The following TLK1 variants were observed in gnomAD, a reference collection of about 807,000 sequenced individuals.
TLK1 encodes tousled like kinase 1.
A neutral mutation model predicts 105.3 loss-of-function variants in TLK1; 24 were observed. The ratio of observed to expected loss-of-function variants is 0.23; its 90% CI spans 0.17 to 0.32. The LOEUF (loss-of-function observed/expected upper bound fraction) is 0.32. Among genes scored for constraint, TLK1 ranks in the 10% least tolerant of loss-of-function variants. The pLI, the probability that TLK1 is intolerant of heterozygous loss-of-function variation, is 1.00. For missense variants in TLK1, 558 were observed against 910.5 expected, an observed-to-expected ratio of 0.61 and a Z score of 4.98; for synonymous variants, 321 against 310.4, an observed-to-expected ratio of 1.03 and a Z score of -0.36.
At chr2:171,161,288 A>T (rs1417336623), upstream of TLK1, among the ~76,000 whole-genome samples, 5 of 151,766 alleles carry the variant, frequency 3.3e-5, no homozygotes, top group Non-Finnish European at 7.4e-5. Context: ...ACCCACACCC[A>T]ACACGGGGAG....
chr2:171,074,348 G>C (rs962497267), intron 3 of TLK1, among the ~76,000 whole-genome samples: 1 of 152,166 alleles, frequency 6.6e-6, no homozygotes, highest in South Asian at 2.1e-4. Flanking sequence ...GGCTGGAGGT[G>C]GAGGTGTAGT....
intron 1 of TLK1, among the ~76,000 whole-genome samples, chr2:171,158,595 CGAAT>C (rs370984092): frequency 6.3e-4 from 95 of 151,896 alleles, no homozygotes; most frequent in Middle Eastern, 3.4e-3. Flanking sequence ...ATTCGAGAAA[CGAAT>C]GAATGAATGA....
Position 170,991,593 on chromosome 2 carries a change from C to T in TLK1, c.*2187G>A, listed in dbSNP as rs991906003. ...AACTTCATTTCATGGCTTGTTTTTC[C>T]CCTTTTCTGCGTTCTGCCACTAGCA... On this transcript the variant is annotated 3_prime_UTR_variant, in exon 21 of 21. Coordinates refer to ENST00000431350, the MANE Select transcript of TLK1 (RefSeq NM_012290.5). 4 of 152,116 alleles carry T rather than the reference C, an allele frequency of 2.6e-5. No homozygotes were observed. The highest frequency in any genetic ancestry group is 9.7e-5 in the African/African-American group (4 of 41,412). 9.4% of individuals were successfully genotyped at this position (152,116 alleles called of 1,614,324 possible).
intron 3 of TLK1, chr2:171,066,989 T>G (rs1468796670): frequency 7.9e-6 from 12 of 1,518,972 alleles, no homozygotes; most frequent in Non-Finnish European, 1.1e-5. Flanking sequence ...AATTCAGAGC[T>G]GTGGTCTCAC....
chr2:171,030,365 A>G (rs1207377856), intron 11 of TLK1, among the ~76,000 whole-genome samples: 1 of 152,224 alleles, frequency 6.6e-6, no homozygotes, highest in Admixed American at 6.5e-5. Context: ...TTAGGGTGAC[A>G]CAACTACTGG....
intron 1 of TLK1, among the ~76,000 whole-genome samples, chr2:171,213,272 G>A (rs1693654062): frequency 6.6e-6 from 1 of 151,400 alleles, no homozygotes; most frequent in Non-Finnish European, 1.5e-5. Context: ...GACAATCATG[G>A]CTCACTGCAG....
At chr2:171,073,190 T>C (rs1409239877) in intron 3 of TLK1, among the ~76,000 whole-genome samples, 1 of 152,134 alleles carries the variant, frequency 6.6e-6, no homozygotes, top group Admixed American at 6.6e-5. Context: ...CCTTTCCAAT[T>C]TGGATGCCCT....
At chr2:171,212,596 G>C (rs1355584068) in intron 1 of TLK1, among the ~76,000 whole-genome samples, 1 of 152,066 alleles carries the variant, frequency 6.6e-6, no homozygotes, top group Non-Finnish European at 1.5e-5. Flanking sequence ...TTTTAAAACT[G>C]GTTGTGTGAC....
At chr2:171,011,476 C>A in intron 13 of TLK1, 22 bp from the exon 14 acceptor site, 2 of 1,597,318 alleles carry the variant, frequency 1.3e-6, no homozygotes, top group South Asian at 1.1e-5. Context: ...GGGCAAAAAA[C>A]AGACATATTA....
chr2:171,110,559 C>T (rs1690118609), intron 2 of TLK1, among the ~76,000 whole-genome samples: 1 of 152,156 alleles, frequency 6.6e-6, no homozygotes, highest in Non-Finnish European at 1.5e-5. Flanking sequence ...AAACATCCAA[C>T]AACATGGATC....
intron 2 of TLK1, among the ~76,000 whole-genome samples, chr2:171,092,241 A>G (rs1689267918): frequency 6.6e-6 from 1 of 152,224 alleles, no homozygotes; most frequent in Non-Finnish European, 1.5e-5. Flanking sequence ...CCAAAGAAAA[A>G]AAATCCATAT....
At chr2:171,075,568 A>G (rs1037724223) in intron 3 of TLK1, among the ~76,000 whole-genome samples, 5 of 152,226 alleles carry the variant, frequency 3.3e-5, no homozygotes, top group Non-Finnish European at 5.9e-5. Flanking sequence ...AAACATGAAT[A>G]TTATGGAGTA....
intron 3 of TLK1, among the ~76,000 whole-genome samples, chr2:171,069,641 G>A (rs1200708202): frequency 6.6e-6 from 1 of 152,054 alleles, no homozygotes; most frequent in Non-Finnish European, 1.5e-5. Flanking sequence ...ACCTTGCTTT[G>A]ATGAACACAT....
intron 12 of TLK1, among the ~76,000 whole-genome samples, chr2:171,021,184 T>TAACAA (rs1051509171): frequency 9.9e-5 from 15 of 152,160 alleles, no homozygotes; most frequent in African/African-American, 3.4e-4. Flanking sequence ...TACTTTATTA[T>TAACAA]AACAAAACAA....
intron 3 of TLK1, among the ~76,000 whole-genome samples, chr2:171,064,527 G>A (rs968213279): frequency 3.3e-5 from 5 of 152,138 alleles, no homozygotes; most frequent in Non-Finnish European, 7.4e-5. Flanking sequence ...TTTCAAGACT[G>A]CTCTTGCTAA....
intron 1 of TLK1, among the ~76,000 whole-genome samples, chr2:171,192,611 C>T (rs1361449914): frequency 2.6e-5 from 4 of 152,060 alleles, no homozygotes; most frequent in African/African-American, 9.7e-5. Flanking sequence ...ACCTGGAAGG[C>T]GGAGGTTGCA....
At chr2:171,123,201 T>C (rs529634174) in intron 1 of TLK1, among the ~76,000 whole-genome samples, 2 of 152,058 alleles carry the variant, frequency 1.3e-5, no homozygotes, top group Non-Finnish European at 2.9e-5. Context: ...TACTCATCTG[T>C]TAAATTTTGT....
chr2:171,003,766 G>A (rs145944904), intron 18 of TLK1, among the ~76,000 whole-genome samples: 229 of 152,196 alleles, frequency 1.5e-3, no homozygotes, highest in African/African-American at 4.7e-3. Flanking sequence ...TATTTAATTC[G>A]GCATCTTTAC....
At chr2:170,994,856 G>T (rs540089978) in intron 20 of TLK1, 9 of 360,572 alleles carry the variant, frequency 2.5e-5, no homozygotes, top group South Asian at 1.4e-4. Context: ...CCTTTTTTGG[G>T]GGGGGAGGGA....
Sources: allele counts gnomAD v4.1 joint callset (sites outside exome capture counted in the v4.1 genomes callset), GRCh38; gene constraint gnomAD v4.1.1; transcripts MANE v1.5; gene names NCBI Gene and HGNC (gene_info 2026-07-23, HGNC 2026-07-21).